Variants in UNC13D observed in about 807,000 individuals in gnomAD.
UNC13D encodes protein unc-13 homolog D.
UNC13D carries 115 observed loss-of-function variants against 151.7 expected under a neutral mutation model. The ratio of observed to expected loss-of-function variants is 0.76; its 90% CI spans 0.65 to 0.88. The LOEUF (loss-of-function observed/expected upper bound fraction) is 0.88. Among genes scored for constraint, UNC13D ranks in the 40% least tolerant of loss-of-function variants. The pLI is 0.00. For synonymous variants in UNC13D, 588 were observed against 612.2 expected, an observed-to-expected ratio of 0.96 and a Z score of 0.58; for missense variants, 1,369 against 1,438.7, an observed-to-expected ratio of 0.95 and a Z score of 0.78.
Position 75,832,842 on chromosome 17 carries a change from G to A in UNC13D, c.2447+124C>T, listed in dbSNP as rs1285299354. ...GGGCCGTGGGAGGAGAGGGGGAGGT[G>A]GCGAGCGCGCCCAGGGCAGGGGCTG... is the stretch of plus-strand genomic sequence containing the variant. On this transcript the variant is annotated intron_variant, in intron 25 of 31. Coordinates refer to ENST00000207549, the MANE Select transcript of UNC13D (RefSeq NM_199242.3). The surrounding 1 kb of genome is among the most constrained non-coding windows in gnomAD (Gnocchi z 4.3). The A allele has an allele frequency of 1.1e-6, 1 of 892,374 alleles. No homozygotes were observed. Among genetic ancestry groups the A allele is most frequent in the Non-Finnish European group, 1.8e-6 (1 of 563,894 alleles). The allele number at this position is 892,374 out of a possible 1,614,324, so 55.3% of individuals were successfully genotyped here.
At chr17:75,838,570 CCT>C (rs1469664067) in intron 12 of UNC13D, among the ~76,000 whole-genome samples, 6 of 152,244 alleles carry the variant, frequency 3.9e-5, no homozygotes, top group South Asian at 2.1e-4. Flanking sequence ...GCTGTGACCC[CCT>C]GTGCCCTCCC....
intron 12 of UNC13D, 91 bp from the exon 13 acceptor site, chr17:75,837,009 A>AGGGCCCCTGGTGGAGAACCC: frequency 3.6e-6 from 2 of 560,122 alleles, no homozygotes; most frequent in Non-Finnish European, 5.0e-6. Flanking sequence ...ATCGCCTCCC[A>AGGGCCCCTGGTGGAGAACCC]TCCACCAGTA....
Position 75,830,110 on chromosome 17 carries a change from G to T in UNC13D, c.2872C>A (p.His958Asn), listed in dbSNP as rs949174966. 6.3e-7 allele frequency: 1 copy of T among 1,586,262 alleles called. No homozygotes were observed. The highest frequency in any genetic ancestry group is 2.3e-5 in the East Asian group (1 of 43,426). The part of the protein sequence containing the change: ...PFVQLTLEPR[H>N]EFPELAARET... Reference sequence around the variant, plus strand: ...CGGGCGGCCAGCTCAGGGAACTCATGCCTGGGCTCCAAGGTCAGCTGGACA... The same window carrying T: ...CGGGCGGCCAGCTCAGGGAACTCATTCCTGGGCTCCAAGGTCAGCTGGACA... The change falls in exon 30 of 32, where the codon CAT becomes AAT. Residue 958 changes from histidine to asparagine, a missense_variant. By Grantham distance (68) the His-to-Asn change is moderately conservative (BLOSUM62 1). Coordinates refer to ENST00000207549, the MANE Select transcript of UNC13D (RefSeq NM_199242.3).
chr17:75,836,496 T>C, intron 14 of UNC13D, 67 bp from the exon 15 acceptor site: 1 of 1,612,456 alleles, frequency 6.2e-7, no homozygotes, highest in Non-Finnish European at 8.5e-7. Flanking sequence ...CCTCCAACAA[T>C]TCTCCCACTC....
chr17:75,835,372 A>G, intron 20 of UNC13D, 37 bp downstream of exon 20: 1 of 1,604,154 alleles, frequency 6.2e-7, no homozygotes, highest in South Asian at 1.1e-5. Context: ...TCACCCCCAA[A>G]CCGGGGCCCC....
intron 16 of UNC13D, 40 bp downstream of exon 16, chr17:75,836,160 C>A (rs1466846227): frequency 1.9e-6 from 3 of 1,611,478 alleles, no homozygotes; most frequent in Non-Finnish European, 2.5e-6. Flanking sequence ...AGGCACCACC[C>A]CCCGTGACCC....
intron 12 of UNC13D, among the ~76,000 whole-genome samples, chr17:75,838,405 G>C (rs2064924126): frequency 6.6e-6 from 1 of 151,944 alleles, no homozygotes; most frequent in East Asian, 1.9e-4. Context: ...ATTTTGTAGA[G>C]ACAGGATTTC....
rs369324054 is a variant in UNC13D at position 75,836,392 on chromosome 17, C to T, written c.1336G>A (p.Glu446Lys). The T allele has an allele frequency of 1.9e-6, 3 of 1,613,680 alleles. No individual in the cohort carries two copies. The highest frequency in any genetic ancestry group is 1.7e-6 in the Non-Finnish European group (2 of 1,180,036). The part of the protein sequence containing the change: ...VQMCKMKAFG[E>K]LCPNTAPLPQ... ...AATGGGGCGGTGTTGGGGCACAGTTCTCCAAAGGCCTTCATCTTGCACATC... is the reference window on the plus strand; with the variant it reads ...AATGGGGCGGTGTTGGGGCACAGTTTTCCAAAGGCCTTCATCTTGCACATC... The change falls in exon 15 of 32, where the codon GAA (glutamate) becomes AAA (lysine). Residue 446 changes from glutamate to lysine, a missense_variant. Coordinates refer to ENST00000207549, the MANE Select transcript of UNC13D (RefSeq NM_199242.3).
Position 75,827,807 on chromosome 17 carries a change from G to T in UNC13D, c.*158C>A. On this transcript the variant is annotated 3_prime_UTR_variant, in exon 32 of 32. Coordinates refer to ENST00000207549, the MANE Select transcript of UNC13D (RefSeq NM_199242.3). ...CTGCTGAGCCCCCATCACCATGGGA[G>T]GCAGGGGAGGTCTGCACTCTGGGCA... 1 of 1,485,404 alleles carries T rather than the reference G, an allele frequency of 6.7e-7. No individual in the cohort carries two copies. The highest frequency in any genetic ancestry group is 1.3e-5 in the South Asian group (1 of 76,990). 92.0% of individuals were successfully genotyped at this position (1,485,404 alleles called of 1,614,324 possible).
chr17:75,831,354 G>A lies in UNC13D; in HGVS notation c.2448-6C>T. On this transcript the variant is annotated splice_polypyrimidine_tract_variant and splice_region_variant and intron_variant, in intron 25 of 31. Coordinates refer to ENST00000207549, the MANE Select transcript of UNC13D (RefSeq NM_199242.3). ...TCCAGAGCAGGGTCAGGAGGCTGGG[G>A]CGGGGCCGGAGGGATGCGGACACAG... 6.3e-7 allele frequency: 1 copy of A among 1,592,626 alleles called. No homozygotes were observed. The highest frequency in any genetic ancestry group is 8.5e-7 in the Non-Finnish European group (1 of 1,178,990).
At chr17:75,836,482 C>T in intron 14 of UNC13D, 53 bp from the exon 15 acceptor site, 1 of 1,612,308 alleles carries the variant, frequency 6.2e-7, no homozygotes, top group Non-Finnish European at 8.5e-7. Context: ...ACACTGCACT[C>T]ACTCCTCCAA....
chr17:75,828,809 G>A lies in UNC13D; in HGVS notation c.3129C>T (p.Pro1043=). Residue 1043 remains proline, a synonymous_variant, in exon 31 of 32, where the codon CCC becomes CCT. Transcript: ENST00000207549. ...EPGEVPQTRL[P]LTYPAPNGDP... is the part of the protein sequence containing the mutation. ...TACCGTTGGGTGCGGGGTACGTGAG[G>A]GGCAGGCGGGTCTGAGGCACCTCAC... 1.3e-6 allele frequency: 2 copies of A among 1,555,004 alleles called. No homozygotes were observed.
chr17:75,836,550 G>A (rs182116959), intron 14 of UNC13D, 22 bp downstream of exon 14: 11 of 1,613,352 alleles, frequency 6.8e-6, no homozygotes, highest in Middle Eastern at 3.3e-4. Context: ...CCCCACCGAG[G>A]AAGAGGAAGG....
chr17:75,844,095 A>G, intron 1 of UNC13D, 126 bp downstream of exon 1: 4 of 1,504,006 alleles, frequency 2.7e-6, no homozygotes, highest in South Asian at 1.2e-5. Context: ...AGGGTGGAGT[A>G]GGCAGGGGAG....
In UNC13D at chr17:75,840,464, T is replaced by TCC. The variant is rs1259335155; in HGVS notation, c.753+41_753+42dup. The TCC allele has an allele frequency of 8.8e-7, 1 of 1,138,798 alleles. No individual in the cohort carries two copies. The highest frequency in any genetic ancestry group is 2.9e-5 in the East Asian group (1 of 35,054). 70.5% of individuals were successfully genotyped at this position (1,138,798 alleles called of 1,614,324 possible). ...CTCCCCAGAACCCCTCCCAACCCCC[T>TCC]CCCTCTGCCTCGCTCCTGGGCCCCT... On this transcript the variant is annotated intron_variant, in intron 9 of 31. Transcript: ENST00000207549. This position sits in a 1 kb window ranked among gnomAD's most constrained non-coding sequence, Gnocchi z 4.6.
At chr17:75,837,897 G>C (rs1269012085) in intron 12 of UNC13D, among the ~76,000 whole-genome samples, 1 of 152,176 alleles carries the variant, frequency 6.6e-6, no homozygotes, top group Non-Finnish European at 1.5e-5. Flanking sequence ...GGCAGAGGAT[G>C]GGGGAGAGGA....
Position 75,840,556 on chromosome 17 carries a change from T to C in UNC13D, c.704A>G (p.Lys235Arg), listed in dbSNP as rs548198637. The C allele has an allele frequency of 6.2e-7, 1 of 1,614,008 alleles. No homozygotes were observed. The highest frequency in any genetic ancestry group is 1.7e-5 in the Admixed American group (1 of 60,002). The change falls in exon 9 of 32, where the codon AAG becomes AGG. Residue 235 changes from lysine to arginine, a missense_variant. Lys to Arg is a conservative substitution (Grantham distance 26). This residue lies in a region of UNC13D where 550 missense variants were observed against 609.0 expected (regional missense o/e 0.90). Coordinates refer to ENST00000207549, the MANE Select transcript of UNC13D (RefSeq NM_199242.3). This position sits in a 1 kb window ranked among gnomAD's most constrained non-coding sequence, Gnocchi z 4.6. ...CAGAAAGTCGTCCTGGCCTTTGTCC[T>C]TCCGGGCCTCTTTAAAGATCCTGCG... ...GLRRIFKEARKDKGQDDFLGN... is the reference protein window; with the variant it reads ...GLRRIFKEARRDKGQDDFLGN...
At chr17:75,835,965 G>A (rs776366620) in intron 17 of UNC13D, 47 bp downstream of exon 17, 1 of 1,614,170 alleles carries the variant, frequency 6.2e-7, no homozygotes, top group Non-Finnish European at 8.5e-7. Context: ...CATGGTTCCG[G>A]CTCTGAGGCA....
chr17:75,840,397 G>C lies in UNC13D; in HGVS notation c.754-68C>G. The C allele has an allele frequency of 1.2e-6, 2 of 1,607,112 alleles. No homozygotes were observed. The highest frequency in any genetic ancestry group is 1.7e-6 in the Non-Finnish European group (2 of 1,174,852). On this transcript the variant is annotated intron_variant, in intron 9 of 31. Coordinates refer to ENST00000207549, the MANE Select transcript of UNC13D (RefSeq NM_199242.3). This position sits in a 1 kb window ranked among gnomAD's most constrained non-coding sequence, Gnocchi z 4.6. ...TAGAGTCGGGGCAGCGGAGGCGACA[G>C]GAGGTGGACCCCAGGCTCAGCTTTG...
Sources: gnomAD v4.1 joint callset for allele counts (sites outside exome capture counted in the v4.1 genomes callset) on GRCh38, gnomAD v4.1.1 for gene constraint, gnomAD v4.1.1 regional missense constraint, Gnocchi (gnomAD v3.1) non-coding constraint, MANE v1.5 for transcripts, NCBI Gene and HGNC (gene_info 2026-07-23, HGNC 2026-07-21) for gene names.